PPARGC1A: variants seen among roughly 807,000 people sequenced by gnomAD.
PPARGC1A encodes the protein peroxisome proliferator-activated receptor gamma coactivator 1-alpha.
In PPARGC1A, 25 loss-of-function variants were observed where a neutral mutation model predicts 88.7. That is an observed-to-expected ratio of 0.28 (90% CI 0.21 to 0.39). PPARGC1A has a LOEUF of 0.39. Among genes scored for constraint, PPARGC1A ranks in the 10% least tolerant of loss-of-function variants. The probability of loss-of-function intolerance (pLI) is 1.00; values close to 1 mark genes in which losing one functional copy is unlikely to be tolerated. For missense variants in PPARGC1A, 880 were observed against 968.7 expected (o/e 0.91, Z 1.22); for synonymous variants, 363 against 355.6 (o/e 1.02, Z -0.24).
the PPARGC1A span, among the ~76,000 whole-genome samples, chr4:24,221,793 A>C: frequency 1.9e-4 from 24 of 125,822 alleles, no homozygotes; most frequent in Admixed American, 1.1e-3. Flanking sequence ...TAAAATTTTC[A>C]AAAGCTTGAC....
At chr4:24,265,311 A>G in the PPARGC1A span, among the ~76,000 whole-genome samples, 66,104 of 151,990 alleles carry the variant, frequency 0.43, 15,210 homozygotes, top group Non-Finnish European at 0.5. Context: ...TTCTTTTCCT[A>G]TAAAAAGAAG....
chr4:24,288,119 C>T, the PPARGC1A span, among the ~76,000 whole-genome samples: 5 of 152,174 alleles, frequency 3.3e-5, no homozygotes, highest in African/African-American at 1.2e-4. Context: ...CAACCCATTC[C>T]TGTTCTCTGA....
At chr4:24,418,411 T>A in the PPARGC1A span, among the ~76,000 whole-genome samples, 1 of 152,326 alleles carries the variant, frequency 6.6e-6, no homozygotes, top group South Asian at 2.1e-4. Context: ...AACAAATGTA[T>A]ACTGAAGTCC....
At chr4:23,976,184 G>A in the PPARGC1A span, among the ~76,000 whole-genome samples, 1 of 152,212 alleles carries the variant, frequency 6.6e-6, no homozygotes, top group East Asian at 1.9e-4. Context: ...ATAATGTGGG[G>A]CAGGAAAGAG....
chr4:23,878,301 T>G (rs1477568411), intron 2 of PPARGC1A, among the ~76,000 whole-genome samples: 1 of 151,432 alleles, frequency 6.6e-6, no homozygotes, highest in Non-Finnish European at 1.5e-5. Flanking sequence ...AACATACACA[T>G]TCTCACTTTG....
At chr4:24,143,315 A>AG in the PPARGC1A span, among the ~76,000 whole-genome samples, 1 of 151,968 alleles carries the variant, frequency 6.6e-6, no homozygotes, top group African/African-American at 2.4e-5. Flanking sequence ...CCAATAGGGG[A>AG]GGGGGCAATA....
At chr4:23,880,747 TCA>T (rs1715759166) in intron 2 of PPARGC1A, 1 of 152,314 alleles carries the variant, frequency 6.6e-6, no homozygotes, top group African/African-American at 2.4e-5. Context: ...GCTACAAAGT[TCA>T]CAGTTTCAGG....
the PPARGC1A span, among the ~76,000 whole-genome samples, chr4:24,263,635 G>A: frequency 2.0e-5 from 3 of 152,132 alleles, no homozygotes; most frequent in East Asian, 3.9e-4. Context: ...GAGACAGCAA[G>A]ACCAACCTCT....
the PPARGC1A span, among the ~76,000 whole-genome samples, chr4:24,245,438 C>A: frequency 6.6e-6 from 1 of 152,198 alleles, no homozygotes; most frequent in Admixed American, 6.5e-5. Flanking sequence ...ACTGAGTTCA[C>A]ACCCTGTGGA....
At chr4:24,103,016 T>C in the PPARGC1A span, among the ~76,000 whole-genome samples, 2 of 152,080 alleles carry the variant, frequency 1.3e-5, no homozygotes, top group Non-Finnish European at 2.9e-5. Flanking sequence ...TTGCCAGAAA[T>C]TGCCCTGGCC....
chr4:24,068,974 C>T, the PPARGC1A span, among the ~76,000 whole-genome samples: 1 of 152,208 alleles, frequency 6.6e-6, no homozygotes, highest in African/African-American at 2.4e-5. Flanking sequence ...GTCAGATTTG[C>T]ATTCAATCTC....
the PPARGC1A span, among the ~76,000 whole-genome samples, chr4:24,382,478 A>G: frequency 6.6e-6 from 1 of 152,214 alleles, no homozygotes; most frequent in Non-Finnish European, 1.5e-5. Flanking sequence ...ACTGGGGACC[A>G]AAACCAATGG....
the PPARGC1A span, among the ~76,000 whole-genome samples, chr4:24,471,745 CA>C: frequency 6.6e-6 from 1 of 152,184 alleles, no homozygotes; most frequent in Admixed American, 6.5e-5. This position sits in a 1 kb window ranked among gnomAD's most constrained non-coding sequence, Gnocchi z 5.4. Flanking sequence ...GCACAGTCAT[CA>C]AAGTTAAGTG....
At chr4:24,014,715 G>A in the PPARGC1A span, among the ~76,000 whole-genome samples, 1 of 152,060 alleles carries the variant, frequency 6.6e-6, no homozygotes, top group African/African-American at 2.4e-5. Context: ...ATGGCCATGA[G>A]GAGAGTATCT....
the PPARGC1A span, among the ~76,000 whole-genome samples, chr4:23,924,176 C>G: frequency 6.6e-6 from 1 of 152,230 alleles, no homozygotes; most frequent in Non-Finnish European, 1.5e-5. Flanking sequence ...TGAAAATCAA[C>G]TAGGACTCCA....
At position 23,887,604 on chromosome 4, in the gene PPARGC1A, A is replaced by G. The variant is rs373646850; in HGVS notation, c.54+2300T>C. ...CTAAACACAAAAGGCTAATTATTGTATGTTATTTCACCCCAACAGACTTTT... is the reference window on the plus strand; with the variant it reads ...CTAAACACAAAAGGCTAATTATTGTGTGTTATTTCACCCCAACAGACTTTT... On this transcript the variant is annotated intron_variant, in intron 1 of 12. Transcript: ENST00000264867. Among the ~76,000 whole-genome samples the G allele has an allele frequency of 1.7e-4, 26 of 152,316 alleles. No homozygotes were observed. The East Asian group carries it at 4.6e-3, about 27-fold the overall frequency.
chr4:23,887,522 C>T (rs1717112820), intron 1 of PPARGC1A, among the ~76,000 whole-genome samples: 1 of 152,184 alleles, frequency 6.6e-6, no homozygotes, highest in Non-Finnish European at 1.5e-5. Context: ...ACTATGACAG[C>T]TATTTCACAA....
chr4:24,098,788 T>G, the PPARGC1A span, among the ~76,000 whole-genome samples: 33 of 152,206 alleles, frequency 2.2e-4, no homozygotes, highest in Non-Finnish European at 3.5e-4. Context: ...ATCAGATGAC[T>G]TCATCCACAG....
the PPARGC1A span, among the ~76,000 whole-genome samples, chr4:23,988,110 A>G: frequency 6.6e-6 from 1 of 152,134 alleles, no homozygotes; most frequent in South Asian, 2.1e-4. Flanking sequence ...TGCAAAGGAC[A>G]TGAACTCATC....
Sources: allele counts gnomAD v4.1 joint callset (sites outside exome capture counted in the v4.1 genomes callset), GRCh38; gene constraint gnomAD v4.1.1; non-coding constraint Gnocchi (gnomAD v3.1); transcripts MANE v1.5; gene names NCBI Gene and HGNC (gene_info 2026-07-23, HGNC 2026-07-21).